RNF144A: variants seen among roughly 807,000 people sequenced by gnomAD.
The protein encoded by RNF144A is E3 ubiquitin-protein ligase RNF144A.
RNF144A carries 11 observed loss-of-function variants against 38.7 expected under a neutral mutation model. That is an observed-to-expected ratio of 0.28 (90% CI 0.18 to 0.47). RNF144A has a LOEUF of 0.47. Ranked by LOEUF, RNF144A falls within the 20% of genes least tolerant of loss-of-function variation. The pLI is 0.99. For missense variants in RNF144A, 316 were observed against 377.2 expected (o/e 0.84, Z 1.34); for synonymous variants, 149 against 143.9 (o/e 1.04, Z -0.25).
intron 2 of RNF144A, among the ~76,000 whole-genome samples, chr2:6,964,405 A>G (rs887963605): frequency 2.0e-5 from 3 of 152,252 alleles, no homozygotes; most frequent in East Asian, 1.9e-4. Flanking sequence ...TGTGGAAGTC[A>G]GTGTGGCAAT....
chr2:7,023,546 T>A (rs1265051753), intron 6 of RNF144A, among the ~76,000 whole-genome samples: 1 of 152,254 alleles, frequency 6.6e-6, no homozygotes, highest in Non-Finnish European at 1.5e-5. Context: ...CTTAACAGTT[T>A]ATCATTTATT....
chr2:6,977,574 T>C (rs1668391295), intron 2 of RNF144A, among the ~76,000 whole-genome samples: 1 of 152,248 alleles, frequency 6.6e-6, no homozygotes, highest in Non-Finnish European at 1.5e-5. Context: ...TGATATTATA[T>C]GGGCATAAAA....
Position 7,042,933 on chromosome 2 carries a change from T to A in RNF144A, c.*3173T>A. 1.2e-6 allele frequency: 1 copy of A among 862,514 alleles called. No homozygotes were observed. The highest frequency in any genetic ancestry group is 1.4e-6 in the Non-Finnish European group (1 of 718,152). 53.4% of individuals were successfully genotyped at this position (862,514 alleles called of 1,614,324 possible). A position where few individuals can be genotyped will look rare whatever the true frequency, so the allele number is the denominator to read the frequency against. On this transcript the variant is annotated 3_prime_UTR_variant, in exon 9 of 9. Coordinates refer to ENST00000320892, the MANE Select transcript of RNF144A (RefSeq NM_014746.6). Reference sequence around the variant, plus strand: ...CCCAAGCTGGAGTACAATGACAGGATCTCGGCTCACTGCAAGCTCTGCCTC... The same window carrying A: ...CCCAAGCTGGAGTACAATGACAGGAACTCGGCTCACTGCAAGCTCTGCCTC...
At chr2:7,039,326 GTGGA>G (rs1440349275) in intron 8 of RNF144A, among the ~76,000 whole-genome samples, 1 of 151,320 alleles carries the variant, frequency 6.6e-6, no homozygotes, top group Non-Finnish European at 1.5e-5. Flanking sequence ...GGATGGGTAG[GTGGA>G]TGGATGGATA....
intron 6 of RNF144A, among the ~76,000 whole-genome samples, chr2:7,065,884 C>T (rs914325211): frequency 2.6e-5 from 4 of 152,176 alleles, no homozygotes; most frequent in Non-Finnish European, 4.4e-5. Context: ...ATCACACCAG[C>T]GGACTGGGTA....
At chr2:7,054,493 T>G (rs1387452877) in intron 6 of RNF144A, among the ~76,000 whole-genome samples, 2 of 152,188 alleles carry the variant, frequency 1.3e-5, no homozygotes, top group African/African-American at 4.8e-5. Context: ...TCATGCAAGT[T>G]AAAGTCTGAG....
chr2:6,943,961 G>T lies in RNF144A; in HGVS notation c.-12+2814G>T, dbSNP rs1359301191. ...AAAGAGCCACTCTGGGTGACTGCAT[G>T]CTTCTCTAGACAGCCCTGATGGGGA... On this transcript the variant is annotated intron_variant, in intron 2 of 8. Transcript: ENST00000320892. The surrounding 1 kb of genome is among the most constrained non-coding windows in gnomAD (Gnocchi z 4.3). Among the ~76,000 whole-genome samples the T allele has an allele frequency of 6.6e-6, 1 of 152,196 alleles. No individual in the cohort carries two copies. The highest frequency in any genetic ancestry group is 2.4e-5 in the African/African-American group (1 of 41,456).
At chr2:7,058,945 C>T (rs775355958) in intron 6 of RNF144A, among the ~76,000 whole-genome samples, 1 of 151,958 alleles carries the variant, frequency 6.6e-6, no homozygotes, top group Non-Finnish European at 1.5e-5. Context: ...ATGGTAGTTA[C>T]CTGGATGTAT....
chr2:6,997,661 A>T (rs1265109449), intron 3 of RNF144A, among the ~76,000 whole-genome samples: 1 of 152,202 alleles, frequency 6.6e-6, no homozygotes, highest in Non-Finnish European at 1.5e-5. Context: ...GGAAAAGATA[A>T]ATGAGTGTGT....
chr2:7,038,682 T>C (rs766359316), intron 8 of RNF144A, among the ~76,000 whole-genome samples: 6 of 151,892 alleles, frequency 4.0e-5, no homozygotes, highest in Non-Finnish European at 8.8e-5. Flanking sequence ...TGGATGGATA[T>C]ATAGTGGGCA....
rs1667395740 is a variant in RNF144A at position 6,962,280 on chromosome 2, C to T, written c.-12+21133C>T. ...TCTGCCTGAGCTCCACCATGTTGCCCTTTTATTTATTACTGTACACGTGGT... is the reference window on the plus strand; with the variant it reads ...TCTGCCTGAGCTCCACCATGTTGCCTTTTTATTTATTACTGTACACGTGGT... On this transcript the variant is annotated intron_variant, in intron 2 of 8. Coordinates refer to ENST00000320892, the MANE Select transcript of RNF144A (RefSeq NM_014746.6). This position sits in a 1 kb window ranked among gnomAD's most constrained non-coding sequence, Gnocchi z 4.1. Among the ~76,000 whole-genome samples, 1 of 152,150 alleles carries T rather than the reference C, an allele frequency of 6.6e-6. No homozygotes were observed. Among genetic ancestry groups the T allele is most frequent in the South Asian group, 2.1e-4 (1 of 4,826 alleles).
At chr2:6,956,209 C>T (rs1029219403) in intron 2 of RNF144A, among the ~76,000 whole-genome samples, 6 of 150,900 alleles carry the variant, frequency 4.0e-5, no homozygotes, top group South Asian at 4.2e-4. Flanking sequence ...TCCTGGCTGC[C>T]GACTAGCAAA....
Position 7,044,118 on chromosome 2 carries a change from C to T in RNF144A, c.*4358C>T. 2 of 985,772 alleles carry T rather than the reference C, an allele frequency of 2.0e-6. No individual in the cohort carries two copies. The highest frequency in any genetic ancestry group is 1.1e-4 in the East Asian group (1 of 8,818). 61.1% of individuals were successfully genotyped at this position (985,772 alleles called of 1,614,324 possible). A position where few individuals can be genotyped will look rare whatever the true frequency, so the allele number is the denominator to read the frequency against. ...TATTGTGTCTTACGTAGTTTGTCCC[C>T]CCCTTTAGCAGGGATTCCTTTTTAA... On this transcript the variant is annotated 3_prime_UTR_variant, in exon 9 of 9. Coordinates refer to ENST00000320892, the MANE Select transcript of RNF144A (RefSeq NM_014746.6).
rs1245197092 is a variant in RNF144A, at chr2:6,917,429, C to T, written c.-405C>T. The T allele has an allele frequency of 6.8e-6, 1 of 146,632 alleles. No homozygotes were observed. Among genetic ancestry groups the T allele is most frequent in the South Asian group, 2.1e-4 (1 of 4,814 alleles). 9.1% of individuals were successfully genotyped at this position (146,632 alleles called of 1,614,324 possible). On this transcript the variant is annotated 5_prime_UTR_variant, in exon 1 of 9. Transcript: ENST00000320892. The surrounding 1 kb of genome is among the most constrained non-coding windows in gnomAD (Gnocchi z 4.8). ...TGCCCGGCCTCTGTGCGCGCTCGCG[C>T]CCCGCCCGCGCAGCCGCTTCTCCCC...
At chr2:6,998,931 C>T (rs918964626) in intron 3 of RNF144A, among the ~76,000 whole-genome samples, 8 of 152,236 alleles carry the variant, frequency 5.3e-5, no homozygotes, top group Non-Finnish European at 1.0e-4. Context: ...TCTCTGCAGT[C>T]GCCTGCCTGC....
intron 3 of RNF144A, among the ~76,000 whole-genome samples, chr2:7,014,054 C>CT (rs1670982679): frequency 1.3e-5 from 2 of 152,216 alleles, no homozygotes; most frequent in South Asian, 2.1e-4. Context: ...TAAAAATGCT[C>CT]TAAGGCTTCA....
chr2:7,050,832 G>A (rs974513636), intron 6 of RNF144A, among the ~76,000 whole-genome samples: 1 of 152,184 alleles, frequency 6.6e-6, no homozygotes, highest in Non-Finnish European at 1.5e-5. Flanking sequence ...GAAGGGAACG[G>A]GAGCTCCCAA....
intron 6 of RNF144A, among the ~76,000 whole-genome samples, chr2:7,053,653 T>G (rs539725341): frequency 6.6e-6 from 1 of 152,360 alleles, no homozygotes; most frequent in South Asian, 2.1e-4. Flanking sequence ...AAAGAAAATT[T>G]ATTTCTAGTG....
At chr2:7,062,497 T>TAAAAAAAAAAAAAAAA in intron 6 of RNF144A, among the ~76,000 whole-genome samples, 1 of 113,492 alleles carries the variant, frequency 8.8e-6, no homozygotes, top group Non-Finnish European at 1.8e-5. Flanking sequence ...TGCTGGGTGC[T>TAAAAAAAAAAAAAAAA]AAAAAAAAAA....
Sources: gnomAD v4.1 joint callset for allele counts (sites outside exome capture counted in the v4.1 genomes callset) on GRCh38, gnomAD v4.1.1 for gene constraint, Gnocchi (gnomAD v3.1) non-coding constraint, MANE v1.5 for transcripts, NCBI Gene and HGNC (gene_info 2026-07-23, HGNC 2026-07-21) for gene names.